PCDHA10: variants seen among roughly 807,000 people sequenced by gnomAD.
PCDHA10 encodes protocadherin alpha 10, also known as protocadherin alpha-10.
PCDHA10 carries 45 observed loss-of-function variants against 61.2 expected under a neutral mutation model. That is an observed-to-expected ratio of 0.74 (90% CI 0.58 to 0.94). PCDHA10 has a LOEUF of 0.94. Ranked by LOEUF, PCDHA10 falls within the 40% of genes least tolerant of loss-of-function variation. PCDHA10 has a pLI of 0.00. For missense variants in PCDHA10, 1,278 were observed against 1,236.2 expected (o/e 1.03, Z -0.51); for synonymous variants, 602 against 548.8 (o/e 1.10, Z -1.35).
At position 140,857,621 on chromosome 5, in the gene PCDHA10, G is replaced by A. The variant is rs962164938; in HGVS notation, c.1573G>A (p.Glu525Lys). ...GTACGCGCTGCAGCCGCTGGACCAC[G>A]AGGAGCTGGAGCTGCTACAGTTCCA... ...KVYALQPLDH[E>K]ELELLQFQVS... The change falls in exon 1 of 4, where the codon GAG becomes AAG. Residue 525 changes from glutamate to lysine, a missense_variant. Glu to Lys is a moderately conservative substitution (Grantham distance 56). Transcript: ENST00000307360. The A allele has an allele frequency of 4.4e-6, 7 of 1,596,528 alleles. 1 individual carries two copies. In the African/African-American group the frequency reaches 8.1e-5, roughly 18 times the overall value.
intron 3 of PCDHA10, among the ~76,000 whole-genome samples, chr5:141,003,290 G>A (rs1302166316): frequency 1.3e-5 from 2 of 152,176 alleles, no homozygotes; most frequent in Non-Finnish European, 2.9e-5. Flanking sequence ...TTGGATTATA[G>A]GATTACATGA....
chr5:140,956,060 G>A (rs1021406649), intron 1 of PCDHA10, among the ~76,000 whole-genome samples: 12 of 152,074 alleles, frequency 7.9e-5, no homozygotes, highest in African/African-American at 2.9e-4. Context: ...GAGACAATGG[G>A]GTTTTCCAGA....
chr5:140,897,409 A>G (rs945260120), intron 1 of PCDHA10, among the ~76,000 whole-genome samples: 16 of 140,532 alleles, frequency 1.1e-4, no homozygotes, highest in Non-Finnish European at 1.7e-4. Flanking sequence ...TCATTGTTCA[A>G]TTCCCATCTA....
intron 1 of PCDHA10, chr5:140,883,610 G>C: frequency 6.2e-7 from 1 of 1,614,046 alleles, no homozygotes; most frequent in Non-Finnish European, 8.5e-7. Flanking sequence ...GGTGGCCGAC[G>C]TGAACGACAA....
chr5:140,987,244 A>T (rs1184597193), intron 3 of PCDHA10, among the ~76,000 whole-genome samples: 1 of 152,018 alleles, frequency 6.6e-6, no homozygotes, highest in Non-Finnish European at 1.5e-5. Context: ...ATAAAGAAAG[A>T]AAGACATTCT....
intron 3 of PCDHA10, among the ~76,000 whole-genome samples, chr5:141,007,300 T>C (rs185284872): frequency 6.6e-6 from 1 of 151,058 alleles, no homozygotes; most frequent in Admixed American, 6.6e-5. Context: ...CCTGTAATCT[T>C]AGCATTTTGG....
intron 3 of PCDHA10, among the ~76,000 whole-genome samples, chr5:140,984,528 T>C (rs1187541000): frequency 7.2e-5 from 11 of 152,216 alleles, no homozygotes; most frequent in African/African-American, 2.4e-4. Flanking sequence ...ACAGTCTTCA[T>C]GGACTGTGCT....
In PCDHA10 at chr5:140,856,595, A is replaced by G; in HGVS notation, c.547A>G (p.Asn183Asp). Residue 183 changes from asparagine to aspartate, a missense_variant, in exon 1 of 4, where the codon AAC becomes GAC. Physicochemically the swap from Asn to Asp is conservative, Grantham distance 23 (BLOSUM62 1). Coordinates refer to ENST00000307360, the MANE Select transcript of PCDHA10 (RefSeq NM_018901.4). Reference sequence around the variant, plus strand: ...TGAGTATTTTGTTCTTGATATTATAAACAAAAAAGACAAAGACAAATTCCC... The same window carrying G: ...TGAGTATTTTGTTCTTGATATTATAGACAAAAAAGACAAAGACAAATTCCC... Reference protein sequence around the residue: ...PNEYFVLDIINKKDKDKFPVL... With the variant: ...PNEYFVLDIIDKKDKDKFPVL... 1 of 1,597,868 alleles carries G rather than the reference A, an allele frequency of 6.3e-7. No individual in the cohort carries two copies.
rs77940063 is a variant in PCDHA10, at chr5:140,966,638, T to G, written c.2389-12311T>G. Reference sequence around the variant, plus strand: ...ACGGAGGGAGCGGCCCCAGGCGCTTTCTAGAGCGTGAGCGGTGGGGGAGCA... The same window carrying G: ...ACGGAGGGAGCGGCCCCAGGCGCTTGCTAGAGCGTGAGCGGTGGGGGAGCA... On this transcript the variant is annotated intron_variant, in intron 1 of 3. Transcript: ENST00000307360. The G allele has an allele frequency of 3.9e-3, 4,251 of 1,090,104 alleles. 104 individuals carry two copies. The African/African-American group carries it at 0.057, about 15-fold the overall frequency. 67.5% of individuals were successfully genotyped at this position (1,090,104 alleles called of 1,614,324 possible).
At chr5:140,966,528 G>T (rs567098369) in intron 1 of PCDHA10, 235 of 446,634 alleles carry the variant, frequency 5.3e-4, no homozygotes, top group Non-Finnish European at 7.8e-4. Context: ...AGCCGAGCCG[G>T]GTTGAGCGAC....
At chr5:140,898,870 C>T (rs1477095887) in intron 1 of PCDHA10, among the ~76,000 whole-genome samples, 3 of 151,586 alleles carry the variant, frequency 2.0e-5, no homozygotes, top group South Asian at 4.2e-4. Context: ...TTTCATTGAG[C>T]AGTGGTTTGT....
intron 1 of PCDHA10, among the ~76,000 whole-genome samples, chr5:140,892,460 C>T (rs1428598912): frequency 1.3e-5 from 2 of 152,102 alleles, no homozygotes; most frequent in African/African-American, 2.4e-5. Context: ...TCTTTAAGTA[C>T]GGTTATTCAG....
At chr5:140,896,599 A>G (rs1247154870) in intron 1 of PCDHA10, among the ~76,000 whole-genome samples, 1 of 151,478 alleles carries the variant, frequency 6.6e-6, no homozygotes, top group African/African-American at 2.4e-5. Context: ...CTGGTCTCGA[A>G]CTCCTGGTCT....
At chr5:140,998,274 T>C (rs2097804171) in intron 3 of PCDHA10, among the ~76,000 whole-genome samples, 1 of 152,162 alleles carries the variant, frequency 6.6e-6, no homozygotes, top group African/African-American at 2.4e-5. Flanking sequence ...CTGACACCCA[T>C]AGGATTAAAT....
intron 1 of PCDHA10, among the ~76,000 whole-genome samples, chr5:140,900,299 GAC>G (rs1372785177): frequency 6.6e-6 from 1 of 151,604 alleles, no homozygotes; most frequent in Non-Finnish European, 1.5e-5. Flanking sequence ...TGTTTTTTTA[GAC>G]AGTCTCACTT....
In PCDHA10 at chr5:140,877,219, C is replaced by T. The variant is rs200698690; in HGVS notation, c.2388+18783C>T. 9 of 1,613,720 alleles carry T rather than the reference C, an allele frequency of 5.6e-6. No homozygotes were observed. Among genetic ancestry groups the T allele is most frequent in the East Asian group, 4.5e-5 (2 of 44,860 alleles). Reference sequence around the variant, plus strand: ...AGGCGCAGTTAGCGAGTTGGTACCGCGGTCGGTGGGTGCGGGCCACGTGGT... The same window carrying T: ...AGGCGCAGTTAGCGAGTTGGTACCGTGGTCGGTGGGTGCGGGCCACGTGGT... On this transcript the variant is annotated intron_variant, in intron 1 of 3. Transcript: ENST00000307360.
chr5:140,868,379 T>C (rs1554161939), intron 1 of PCDHA10: 1 of 152,086 alleles, frequency 6.6e-6, no homozygotes, highest in Non-Finnish European at 1.5e-5. Context: ...CAGTAAAGAA[T>C]GAGAACTATA....
intron 1 of PCDHA10, among the ~76,000 whole-genome samples, chr5:140,953,068 C>A (rs1243228817): frequency 6.6e-6 from 1 of 152,198 alleles, no homozygotes; most frequent in East Asian, 1.9e-4. Context: ...CAGGCCCCAT[C>A]TCCAACATTG....
chr5:140,986,308 A>G (rs1399323765), intron 3 of PCDHA10, among the ~76,000 whole-genome samples: 1 of 152,162 alleles, frequency 6.6e-6, no homozygotes, highest in African/African-American at 2.4e-5. Context: ...AGAGAAAATT[A>G]GCTAAATCAG....
Sources: gnomAD v4.1 joint callset for allele counts (sites outside exome capture counted in the v4.1 genomes callset) on GRCh38, gnomAD v4.1.1 for gene constraint, MANE v1.5 for transcripts, NCBI Gene and HGNC (gene_info 2026-07-23, HGNC 2026-07-21) for gene names.